PBX3: variants seen among roughly 807,000 people sequenced by gnomAD.
PBX3 encodes pre-B-cell leukemia transcription factor 3.
A neutral mutation model predicts 48.5 loss-of-function variants in PBX3; 14 were observed. The ratio of observed to expected loss-of-function variants is 0.29; its 90% CI spans 0.19 to 0.45. PBX3 has a LOEUF of 0.45. Among genes scored for constraint, PBX3 ranks in the 20% least tolerant of loss-of-function variants. PBX3 has a pLI of 1.00. For missense variants in PBX3, 386 were observed against 546.7 expected, an observed-to-expected ratio of 0.71 and a Z score of 2.93; for synonymous variants, 210 against 200.3, an observed-to-expected ratio of 1.05 and a Z score of -0.41.
At chr9:125,841,682 A>G (rs941540539) in intron 2 of PBX3, among the ~76,000 whole-genome samples, 3 of 152,280 alleles carry the variant, frequency 2.0e-5, no homozygotes, top group Middle Eastern at 3.4e-3. Flanking sequence ...TGCCTCTAGT[A>G]CATAGACCCA....
intron 2 of PBX3, among the ~76,000 whole-genome samples, chr9:125,868,165 A>T (rs1186241799): frequency 1.3e-5 from 2 of 149,082 alleles, no homozygotes; most frequent in Non-Finnish European, 3.0e-5. Flanking sequence ...CTGAGCCACT[A>T]CACCCAGACT....
intron 2 of PBX3, among the ~76,000 whole-genome samples, chr9:125,781,255 C>T (rs997664189): frequency 1.3e-5 from 2 of 151,400 alleles, no homozygotes; most frequent in African/African-American, 2.4e-5. Context: ...AACCAGACTC[C>T]GTCTGTAATC....
chr9:125,795,825 A>G (rs1040701924), intron 2 of PBX3, among the ~76,000 whole-genome samples: 1 of 152,208 alleles, frequency 6.6e-6, no homozygotes, highest in East Asian at 1.9e-4. Context: ...TTAGAAAATG[A>G]TTTCTTTAAG....
At chr9:125,866,209 A>G (rs911420148) in intron 2 of PBX3, among the ~76,000 whole-genome samples, 7 of 152,200 alleles carry the variant, frequency 4.6e-5, no homozygotes, top group African/African-American at 1.4e-4. Flanking sequence ...TATTGTGGAT[A>G]TCTTTCCATG....
chr9:125,830,238 T>C (rs1444490319), intron 2 of PBX3, among the ~76,000 whole-genome samples: 1 of 152,226 alleles, frequency 6.6e-6, no homozygotes. Flanking sequence ...AATATTGCCT[T>C]GCATGTTTCT....
rs540318502 is a variant in PBX3 at position 125,762,108 on chromosome 9, A to G, written c.274+13485A>G. ...TAAATTTAAAACAATGTAGAGATTC[A>G]GAAATGTTAGTTGCTATTCTGGCTG... is the stretch of plus-strand genomic sequence containing the variant. On this transcript the variant is annotated intron_variant, in intron 2 of 8. Transcript: ENST00000373489. Among the ~76,000 whole-genome samples, 8 of 152,340 alleles carry G rather than the reference A, an allele frequency of 5.3e-5. No homozygotes were observed. The South Asian group carries it at 1.7e-3, about 32-fold the overall frequency.
intron 2 of PBX3, among the ~76,000 whole-genome samples, chr9:125,810,484 A>G (rs1838258186): frequency 6.6e-6 from 1 of 152,054 alleles, no homozygotes; most frequent in South Asian, 2.1e-4. Context: ...CTGTCTTTTT[A>G]CAGAATTTCA....
intron 5 of PBX3, 26 bp from the exon 6 acceptor site, chr9:125,960,658 C>T: frequency 6.2e-7 from 1 of 1,610,022 alleles, no homozygotes; most frequent in Non-Finnish European, 8.5e-7. Flanking sequence ...TCTTCCCCTT[C>T]ACCTCCATGT....
intron 2 of PBX3, among the ~76,000 whole-genome samples, chr9:125,868,211 G>A (rs1158750656): frequency 6.6e-6 from 1 of 151,818 alleles, no homozygotes; most frequent in Non-Finnish European, 1.5e-5. Flanking sequence ...CTGTGTTCTA[G>A]GCACTGTGCC....
At chr9:125,790,772 G>T (rs1353927077) in intron 2 of PBX3, among the ~76,000 whole-genome samples, 1 of 151,870 alleles carries the variant, frequency 6.6e-6, no homozygotes, top group Non-Finnish European at 1.5e-5. Context: ...TTACTATGTT[G>T]CCCGGACTGG....
chr9:125,763,015 C>T (rs904508338), intron 2 of PBX3, among the ~76,000 whole-genome samples: 4 of 152,172 alleles, frequency 2.6e-5, no homozygotes, highest in Non-Finnish European at 5.9e-5. Context: ...TAATAAGCCT[C>T]TTTAAACTGG....
chr9:125,965,081 G>A (rs1460981153), intron 8 of PBX3, among the ~76,000 whole-genome samples: 1 of 152,196 alleles, frequency 6.6e-6, no homozygotes, highest in African/African-American at 2.4e-5. Flanking sequence ...AATATGTAGC[G>A]ACAAGCTGTC....
chr9:125,832,341 G>A (rs750185338), intron 2 of PBX3, among the ~76,000 whole-genome samples: 3 of 151,792 alleles, frequency 2.0e-5, no homozygotes, highest in Non-Finnish European at 4.4e-5. Context: ...GACTACAGGC[G>A]CCCGCCACCA....
chr9:125,877,093 A>G (rs1448371565), intron 2 of PBX3, among the ~76,000 whole-genome samples: 9 of 152,076 alleles, frequency 5.9e-5, no homozygotes, highest in Non-Finnish European at 1.0e-4. Flanking sequence ...TTCTAGTGAG[A>G]TTATAAACAG....
intron 2 of PBX3, among the ~76,000 whole-genome samples, chr9:125,873,188 AAAAC>A (rs1840170265): frequency 6.9e-6 from 1 of 144,234 alleles, no homozygotes; most frequent in Non-Finnish European, 1.6e-5. Context: ...CTGTCTCAAA[AAAAC>A]AAAACAAAAC....
At chr9:125,838,261 G>A (rs1839195050) in intron 2 of PBX3, among the ~76,000 whole-genome samples, 3 of 152,192 alleles carry the variant, frequency 2.0e-5, no homozygotes, top group South Asian at 4.1e-4. Flanking sequence ...TGTGTTGGCC[G>A]GGGCCTAATG....
intron 2 of PBX3, among the ~76,000 whole-genome samples, chr9:125,815,206 G>A (rs986145483): frequency 4.6e-5 from 7 of 152,056 alleles, no homozygotes; most frequent in Non-Finnish European, 7.4e-5. Context: ...CTAGTTAGCA[G>A]GTAATTTTAA....
chr9:125,783,125 C>T (rs1038249934), intron 2 of PBX3, among the ~76,000 whole-genome samples: 1 of 152,100 alleles, frequency 6.6e-6, no homozygotes, highest in African/African-American at 2.4e-5. Flanking sequence ...AATATTTTGT[C>T]AAATATTATT....
At chr9:125,847,034 A>G (rs911166046) in intron 2 of PBX3, among the ~76,000 whole-genome samples, 4 of 151,730 alleles carry the variant, frequency 2.6e-5, no homozygotes, top group Non-Finnish European at 5.9e-5. Flanking sequence ...TGTATTTCCT[A>G]CAAGTTGAGA....
Sources: gnomAD v4.1 joint callset for allele counts (sites outside exome capture counted in the v4.1 genomes callset) on GRCh38, gnomAD v4.1.1 for gene constraint, MANE v1.5 for transcripts, NCBI Gene and HGNC (gene_info 2026-07-23, HGNC 2026-07-21) for gene names.